The following FTO variants were observed in gnomAD, a reference collection of about 807,000 sequenced individuals.
FTO encodes FTO alpha-ketoglutarate dependent dioxygenase.
In FTO, 47 loss-of-function variants were observed where a neutral mutation model predicts 63.9. The observed-to-expected ratio is 0.74, with a 90% CI of 0.58 to 0.94. FTO has a LOEUF of 0.94. Ranked by LOEUF, FTO falls within the 40% of genes least tolerant of loss-of-function variation. The pLI, the probability that FTO is intolerant of heterozygous loss-of-function variation, is 0.00. For synonymous variants in FTO, 207 were observed against 224.4 expected, an observed-to-expected ratio of 0.92 and a Z score of 0.69; for missense variants, 562 against 618.1, an observed-to-expected ratio of 0.91 and a Z score of 0.96.
intron 4 of FTO, among the ~76,000 whole-genome samples, chr16:53,872,500 T>G (rs910151081): frequency 8.5e-5 from 13 of 152,220 alleles, no homozygotes; most frequent in African/African-American, 2.9e-4. Flanking sequence ...TGAAACTGTT[T>G]CCATGGAGTA....
chr16:54,008,249 T>C (rs1446576405), intron 8 of FTO, among the ~76,000 whole-genome samples: 1 of 152,216 alleles, frequency 6.6e-6, no homozygotes, highest in East Asian at 1.9e-4. Flanking sequence ...TGTTGAAAAC[T>C]AATGAACCCA....
chr16:53,872,500 T>TC (rs1037353521), intron 4 of FTO, among the ~76,000 whole-genome samples: 2 of 152,220 alleles, frequency 1.3e-5, no homozygotes, highest in Non-Finnish European at 2.9e-5. Context: ...TGAAACTGTT[T>TC]CCATGGAGTA....
At chr16:53,725,904 T>C (rs1357242383) in intron 1 of FTO, among the ~76,000 whole-genome samples, 1 of 152,222 alleles carries the variant, frequency 6.6e-6, no homozygotes, top group African/African-American at 2.4e-5. Flanking sequence ...GAAAAGGCTG[T>C]AAGAAGACCT....
intron 1 of FTO, among the ~76,000 whole-genome samples, chr16:53,743,799 C>G (rs967108564): frequency 1.3e-5 from 2 of 151,450 alleles, no homozygotes; most frequent in South Asian, 2.1e-4. Context: ...ATTTTTTTCC[C>G]CCTGATTTTA....
intron 1 of FTO, among the ~76,000 whole-genome samples, chr16:53,774,930 G>A (rs753029461): frequency 6.6e-6 from 1 of 152,158 alleles, no homozygotes; most frequent in African/African-American, 2.4e-5. Flanking sequence ...GAATGTTATT[G>A]CCTCATGACT....
At chr16:54,024,558 A>G (rs1197147843) in intron 8 of FTO, among the ~76,000 whole-genome samples, 1 of 152,116 alleles carries the variant, frequency 6.6e-6, no homozygotes, top group Non-Finnish European at 1.5e-5. Context: ...TTGTATTGCC[A>G]CCAGCGATAG....
chr16:53,968,194 G>A (rs2083237847), intron 8 of FTO, among the ~76,000 whole-genome samples: 1 of 152,114 alleles, frequency 6.6e-6, no homozygotes, highest in Non-Finnish European at 1.5e-5. Context: ...TGACTTCATA[G>A]GATGTATAGA....
At chr16:53,717,738 A>G (rs1305103487) in intron 1 of FTO, among the ~76,000 whole-genome samples, 1 of 151,978 alleles carries the variant, frequency 6.6e-6, no homozygotes, top group Non-Finnish European at 1.5e-5. Flanking sequence ...GTGTTATGGT[A>G]TGGAGTAGAT....
chr16:53,913,447 A>T (rs571694020), intron 7 of FTO, among the ~76,000 whole-genome samples: 1 of 152,334 alleles, frequency 6.6e-6, no homozygotes, highest in African/African-American at 2.4e-5. Flanking sequence ...AACTGTTCCC[A>T]CTAGAAATGC....
At chr16:53,951,784 A>G (rs1158721415) in intron 8 of FTO, among the ~76,000 whole-genome samples, 2 of 152,078 alleles carry the variant, frequency 1.3e-5, no homozygotes, top group African/African-American at 4.8e-5. Flanking sequence ...TTCAACTAAT[A>G]TTATTGAGGA....
chr16:53,810,020 A>C (rs916806301), intron 1 of FTO, 120 bp from the exon 2 acceptor site: 1 of 662,412 alleles, frequency 1.5e-6, no homozygotes, highest in African/African-American at 1.8e-5. Flanking sequence ...TCTATCTCTA[A>C]AAGATTATAA....
At chr16:53,720,791 T>C (rs908136145) in intron 1 of FTO, among the ~76,000 whole-genome samples, 1 of 151,726 alleles carries the variant, frequency 6.6e-6, no homozygotes, top group Non-Finnish European at 1.5e-5. Flanking sequence ...TTCTTTTTCT[T>C]TTTTTCTTTG....
intron 8 of FTO, among the ~76,000 whole-genome samples, chr16:54,105,102 G>A (rs1006353049): frequency 2.0e-5 from 3 of 152,192 alleles, no homozygotes; most frequent in Non-Finnish European, 4.4e-5. Context: ...CTAAGAGATT[G>A]AGATATTTTT....
chr16:53,980,731 C>G (rs16952728), intron 8 of FTO, among the ~76,000 whole-genome samples: 14,093 of 152,206 alleles, frequency 0.093, 726 homozygotes, highest in African/African-American at 0.12. Context: ...TAGGCTTGTT[C>G]TTATCAGTAA....
chr16:53,874,465 T>C (rs1448622481), intron 5 of FTO, among the ~76,000 whole-genome samples: 2 of 152,138 alleles, frequency 1.3e-5, no homozygotes, highest in Non-Finnish European at 2.9e-5. Flanking sequence ...CTCATATTAG[T>C]CATGTTGGGG....
chr16:54,041,996 T>C (rs1324438621), intron 8 of FTO, among the ~76,000 whole-genome samples: 1 of 152,210 alleles, frequency 6.6e-6, no homozygotes, highest in African/African-American at 2.4e-5. Context: ...TCTTGTGACC[T>C]TCGGTTTCTA....
At chr16:54,088,759 T>C (rs567141640) in intron 8 of FTO, among the ~76,000 whole-genome samples, 1 of 152,226 alleles carries the variant, frequency 6.6e-6, no homozygotes. Context: ...AATTCGGTTA[T>C]ACAGATCAGA....
At chr16:53,784,398 G>T (rs1438423440) in intron 1 of FTO, among the ~76,000 whole-genome samples, 1 of 152,198 alleles carries the variant, frequency 6.6e-6, no homozygotes, top group African/African-American at 2.4e-5. Context: ...AATTGAGTAT[G>T]TATGGTTATA....
chr16:53,857,468 T>TCTCTC, intron 4 of FTO, among the ~76,000 whole-genome samples: 1 of 124,830 alleles, frequency 8.0e-6, no homozygotes, highest in African/African-American at 4.4e-5. Context: ...CTCTCTCTCT[T>TCTCTC]TCTATATATA....
Sources: allele counts gnomAD v4.1 joint callset (sites outside exome capture counted in the v4.1 genomes callset), GRCh38; gene constraint gnomAD v4.1.1; transcripts MANE v1.5; gene names NCBI Gene and HGNC (gene_info 2026-07-23, HGNC 2026-07-21).